The following MX1 variants were observed in gnomAD, a reference collection of about 807,000 sequenced individuals.
MX1 encodes the protein MX dynamin like GTPase 1, also known as interferon-induced GTP-binding protein Mx1.
Under a neutral mutation model 66.4 loss-of-function variants are expected in MX1, and 66 were observed. The ratio of observed to expected loss-of-function variants is 0.99; its 90% CI spans 0.82 to 1.22. MX1 has a LOEUF of 1.22. Ranked by LOEUF, MX1 falls within the 50% of genes most tolerant of loss-of-function variation. The probability of loss-of-function intolerance (pLI) is 0.00; values close to 1 mark genes in which losing one functional copy is unlikely to be tolerated. For missense variants in MX1, 787 were observed against 834.3 expected (o/e 0.94, Z 0.70); for synonymous variants, 311 against 318.1 (o/e 0.98, Z 0.24).
upstream of MX1, among the ~76,000 whole-genome samples, chr21:41,421,623 T>TGCTTA (rs1461568936): frequency 1.3e-5 from 2 of 152,210 alleles, no homozygotes; most frequent in African/African-American, 4.8e-5. Context: ...AGCATCTGTT[T>TGCTTA]AACAAAGCAC....
In MX1 at chr21:41,446,051, A is replaced by G. The variant is rs2090653977; in HGVS notation, c.1183A>G (p.Thr395Ala). 1 of 1,614,156 alleles carries G rather than the reference A, an allele frequency of 6.2e-7. No individual in the cohort carries two copies. Among genetic ancestry groups the G allele is most frequent in the Non-Finnish European group, 8.5e-7 (1 of 1,179,994 alleles). Reference sequence around the variant, plus strand: ...CACTGCTCTCATGCAAGGAGAGGAAACTGTAGGGGAGGAAGACATTCGGCT... The same window carrying G: ...CACTGCTCTCATGCAAGGAGAGGAAGCTGTAGGGGAGGAAGACATTCGGCT... ...DITALMQGEE[T>A]VGEEDIRLFT... The change falls in exon 13 of 17, where the codon ACT (threonine) becomes GCT (alanine). Residue 395 changes from threonine to alanine, a missense_variant. Thr to Ala is a moderately conservative substitution (Grantham distance 58, BLOSUM62 0). Coordinates refer to ENST00000398598, the MANE Select transcript of MX1 (RefSeq NM_002462.5).
chr21:41,443,212 T>A (rs1440806543), intron 10 of MX1, among the ~76,000 whole-genome samples: 1 of 152,234 alleles, frequency 6.6e-6, no homozygotes, highest in Admixed American at 6.5e-5. Context: ...CTGCTGCCTT[T>A]ATCCTAAAAT....
At chr21:41,452,567 G>A in intron 15 of MX1, 54 bp from the exon 16 acceptor site, 3 of 1,551,456 alleles carry the variant, frequency 1.9e-6, no homozygotes, top group Non-Finnish European at 2.6e-6. Context: ...ACTTTCCTGT[G>A]ACTCAGGAAT....
chr21:41,433,430 T>C (rs2090277419), intron 5 of MX1, among the ~76,000 whole-genome samples: 1 of 152,242 alleles, frequency 6.6e-6, no homozygotes, highest in African/African-American at 2.4e-5. Flanking sequence ...GTGGAATGGA[T>C]ACTGGGAGTG....
chr21:41,432,179 A>C lies in MX1; in HGVS notation c.105+4A>C, dbSNP rs1038799353. ...GGCCCAGAAAAATCCAGGCTCGGTA[A>C]GTTGCTCTCTGAAAGTCGCTATCCA... On this transcript the variant is annotated splice_donor_region_variant and intron_variant, in intron 5 of 16. Coordinates refer to ENST00000398598, the MANE Select transcript of MX1 (RefSeq NM_002462.5). 6.2e-7 allele frequency: 1 copy of C among 1,613,730 alleles called. No homozygotes were observed. The highest frequency in any genetic ancestry group is 1.3e-5 in the African/African-American group (1 of 75,052).
At chr21:41,439,889 G>A (rs1427138322) in intron 8 of MX1, 41 bp downstream of exon 8, 5 of 1,582,200 alleles carry the variant, frequency 3.2e-6, no homozygotes, top group Non-Finnish European at 4.3e-6. Flanking sequence ...CGTGGCGTGG[G>A]GATGGGGGAG....
intron 16 of MX1, among the ~76,000 whole-genome samples, chr21:41,453,721 A>G (rs2090891012): frequency 6.6e-6 from 1 of 152,164 alleles, no homozygotes; most frequent in Admixed American, 6.5e-5. Flanking sequence ...AGAGGCAGGA[A>G]TTGTAGGTAA....
upstream of MX1, among the ~76,000 whole-genome samples, chr21:41,425,688 G>A (rs1220291804): frequency 6.6e-6 from 1 of 152,108 alleles, no homozygotes; most frequent in Non-Finnish European, 1.5e-5. Flanking sequence ...GGCCAGATGA[G>A]CCAGACTCCA....
Position 41,451,152 on chromosome 21 carries a change from T to A in MX1, c.1433-15T>A, listed in dbSNP as rs532161179. ...GATCCTACCAATATTGAACTATTTTTCTCTCTTTGATTAGATATGGTCCGG... is the reference window on the plus strand; with the variant it reads ...GATCCTACCAATATTGAACTATTTTACTCTCTTTGATTAGATATGGTCCGG... On this transcript the variant is annotated splice_polypyrimidine_tract_variant and intron_variant, in intron 14 of 16. Transcript: ENST00000398598. 1.3e-6 allele frequency: 2 copies of A among 1,578,240 alleles called. No homozygotes were observed. The highest frequency in any genetic ancestry group is 3.4e-5 in the Admixed American group (2 of 59,076).
At chr21:41,451,550 C>T (rs1311877232) in intron 15 of MX1, among the ~76,000 whole-genome samples, 1 of 152,130 alleles carries the variant, frequency 6.6e-6, no homozygotes, top group Non-Finnish European at 1.5e-5. Context: ...TAGAATATTT[C>T]TGGCCCGAGT....
At chr21:41,433,270 C>G (rs151045332) in intron 5 of MX1, among the ~76,000 whole-genome samples, 232 of 152,332 alleles carry the variant, frequency 1.5e-3, no homozygotes, top group African/African-American at 5.2e-3. Context: ...GGGCCCACCC[C>G]CTGTGCTTTA....
rs1300450289 is a variant in MX1, at chr21:41,456,800, C to T, written c.1759-1728C>T. Among the ~76,000 whole-genome samples the T allele has an allele frequency of 2.6e-5, 4 of 152,072 alleles. No homozygotes were observed. In the East Asian group the frequency reaches 5.8e-4, roughly 22 times the overall value. On this transcript the variant is annotated intron_variant, in intron 16 of 16. Transcript: ENST00000398598. ...TTTTGGTGACAGAGTCTCACTCTGTCGCCCAGGCTGGAGTGCAGTGGCGCA... is the reference window on the plus strand; with the variant it reads ...TTTTGGTGACAGAGTCTCACTCTGTTGCCCAGGCTGGAGTGCAGTGGCGCA...
upstream of MX1, among the ~76,000 whole-genome samples, chr21:41,423,894 T>C (rs1012132811): frequency 2.0e-5 from 3 of 152,220 alleles, no homozygotes; most frequent in African/African-American, 7.2e-5. Context: ...GAGCTGTGTG[T>C]GCTGTGTTTC....
Position 41,437,011 on chromosome 21 carries a change from C to G in MX1, c.299-4C>G, listed in dbSNP as rs1158243346. ...GGAGCACTGATGTGGGCGTGGCCTC[C>G]TAGGGATCGTGACCAGATGCCCGCT... On this transcript the variant is annotated splice_polypyrimidine_tract_variant and splice_region_variant and intron_variant, in intron 6 of 16. Coordinates refer to ENST00000398598, the MANE Select transcript of MX1 (RefSeq NM_002462.5). 12 of 1,613,708 alleles carry G rather than the reference C, an allele frequency of 7.4e-6. No homozygotes were observed. Among genetic ancestry groups the G allele is most frequent in the Non-Finnish European group, 1.0e-5 (12 of 1,179,766 alleles).
At chr21:41,455,968 A>G (rs2090948144) in intron 16 of MX1, among the ~76,000 whole-genome samples, 2 of 152,208 alleles carry the variant, frequency 1.3e-5, no homozygotes, top group South Asian at 4.1e-4. Context: ...TCAGCCAGGC[A>G]TGGTGGCTCA....
intron 5 of MX1, among the ~76,000 whole-genome samples, chr21:41,433,883 G>A (rs750717458): frequency 3.9e-5 from 6 of 152,194 alleles, no homozygotes; most frequent in Admixed American, 6.5e-5. Flanking sequence ...AACTAAGACC[G>A]AGGCTACCAA....
intron 16 of MX1, among the ~76,000 whole-genome samples, chr21:41,455,428 G>A (rs1444752792): frequency 6.6e-6 from 1 of 152,214 alleles, no homozygotes; most frequent in Non-Finnish European, 1.5e-5. Context: ...CTCCTAGAAT[G>A]AACAGTTACC....
chr21:41,454,108 C>A (rs1207052417), intron 16 of MX1, among the ~76,000 whole-genome samples: 1 of 152,062 alleles, frequency 6.6e-6, no homozygotes, highest in Non-Finnish European at 1.5e-5. Flanking sequence ...TCCCCCCCCA[C>A]AAAACATGGC....
rs372467176 is a variant in MX1 at position 41,446,160 on chromosome 21, T to G, written c.1273+19T>G. The G allele has an allele frequency of 6.2e-7, 1 of 1,607,646 alleles. No homozygotes were observed. Among genetic ancestry groups the G allele is most frequent in the Non-Finnish European group, 8.5e-7 (1 of 1,175,470 alleles). On this transcript the variant is annotated intron_variant, in intron 13 of 16. Transcript: ENST00000398598. ...CAAGAAGGTGAGTGTCTTAGTCCCT[T>G]CTTTTGGGCTGCTACAACCGAATAC...
Sources: gnomAD v4.1 joint callset for allele counts (sites outside exome capture counted in the v4.1 genomes callset) on GRCh38, gnomAD v4.1.1 for gene constraint, MANE v1.5 for transcripts, NCBI Gene and HGNC (gene_info 2026-07-23, HGNC 2026-07-21) for gene names.